PCNT: variants seen among roughly 807,000 people sequenced by gnomAD.
The protein encoded by PCNT is kendrin.
In PCNT, 319 loss-of-function variants were observed where a neutral mutation model predicts 380.4. The observed-to-expected ratio is 0.84, with a 90% confidence interval of 0.77 to 0.92. The LOEUF (loss-of-function observed/expected upper bound fraction) is 0.92, where lower values mean the gene tolerates loss of function less well. Among genes scored for constraint, PCNT ranks in the 40% least tolerant of loss-of-function variants. PCNT has a pLI of 0.00. For missense variants in PCNT, 4,400 were observed against 4,255.3 expected (o/e 1.03, Z -0.95); for synonymous variants, 1,845 against 1,735.2 (o/e 1.06, Z -1.57).
At position 46,429,137 on chromosome 21, in the gene PCNT, G is replaced by A. The variant is rs186664163; in HGVS notation, c.7690+547G>A. 5.5e-3 allele frequency among the ~76,000 whole-genome samples: 833 copies of A among 152,304 alleles called. 6 individuals carry two copies. The highest frequency in any genetic ancestry group is 0.019 in the African/African-American group (797 of 41,574). On this transcript the variant is annotated intron_variant, in intron 35 of 46. Transcript: ENST00000359568. ...CCCTCTGTTCCTAGTTTTGGATTCCGTCAAGGGGAACGGCCTTGCAGTTCA... is the reference window on the plus strand; with the variant it reads ...CCCTCTGTTCCTAGTTTTGGATTCCATCAAGGGGAACGGCCTTGCAGTTCA...
At position 46,412,963 on chromosome 21, in the gene PCNT, A is replaced by G. The variant is rs1358346023; in HGVS notation, c.6121A>G (p.Met2041Val). ...GGAGCTGCTCTTGGTGAAAAATGAA[A>G]TGCGCCTGAGTCTGGAGGACGGCGG... ...QSELLLVKNE[M>V]RLSLEDGGKG... Residue 2041 changes from methionine to valine, a missense_variant, in exon 29 of 47, where the codon ATG (methionine) becomes GTG (valine). Coordinates refer to ENST00000359568, the MANE Select transcript of PCNT (RefSeq NM_006031.6). 6 of 1,609,882 alleles carry G rather than the reference A, an allele frequency of 3.7e-6. 1 individual carries two copies. Among genetic ancestry groups the G allele is most frequent in the Middle Eastern group, 3.3e-4 (2 of 6,062 alleles).
intron 3 of PCNT, among the ~76,000 whole-genome samples, chr21:46,342,128 A>T (rs1224179797): frequency 6.6e-6 from 1 of 151,704 alleles, no homozygotes; most frequent in Non-Finnish European, 1.5e-5. Flanking sequence ...TTTAGTAGAG[A>T]TGGGGTTTTG....
intron 21 of PCNT, among the ~76,000 whole-genome samples, chr21:46,395,553 A>T (rs1396204881): frequency 2.8e-5 from 4 of 142,962 alleles, no homozygotes; most frequent in African/African-American, 5.1e-5. Context: ...GTAATAAAAT[A>T]GAGACTTCAG....
intron 11 of PCNT, among the ~76,000 whole-genome samples, chr21:46,355,152 A>G (rs753653918): frequency 3.9e-5 from 6 of 152,210 alleles, no homozygotes; most frequent in Non-Finnish European, 7.4e-5. Flanking sequence ...TGCTGCTGAG[A>G]GAATTGAGGA....
intron 3 of PCNT, among the ~76,000 whole-genome samples, chr21:46,345,129 T>G (rs540717995): frequency 8.5e-5 from 13 of 152,322 alleles, no homozygotes; most frequent in Middle Eastern, 3.4e-3. Flanking sequence ...ATTTCCGCCT[T>G]TTTCCTGAGA....
chr21:46,411,721 G>C lies in PCNT; in HGVS notation c.5648G>C (p.Arg1883Pro). The change falls in exon 28 of 47, where the codon CGG becomes CCG. Residue 1883 changes from arginine to proline, a missense_variant. Coordinates refer to ENST00000359568, the MANE Select transcript of PCNT (RefSeq NM_006031.6). ...RNLEIDALNQRKAAHSAELEA... is the reference protein window; with the variant it reads ...RNLEIDALNQPKAAHSAELEA... ...TTAGAAATCGACGCTCTGAACCAGC[G>C]GAAGGCGGCCCACTCTGCCGAGCTG... The C allele has an allele frequency of 6.2e-7, 1 of 1,612,344 alleles. No homozygotes were observed. Among genetic ancestry groups the C allele is most frequent in the South Asian group, 1.1e-5 (1 of 91,086 alleles).
Position 46,334,605 on chromosome 21 carries a change from T to A in PCNT, c.476T>A (p.Phe159Tyr). ...SDHPPEQHGM[F>Y]TVSDHPPEQR... ...CACCCACCAGAACAGCATGGGATGT[T>A]CACAGTCAGTGACCACCCACCAGAA... The change falls in exon 3 of 47, where the codon TTC (phenylalanine) becomes TAC (tyrosine). Residue 159 changes from phenylalanine to tyrosine, a missense_variant. Physicochemically the swap from Phe to Tyr is conservative, Grantham distance 22. Transcript: ENST00000359568. 2 of 1,605,892 alleles carry A rather than the reference T, an allele frequency of 1.2e-6. No individual in the cohort carries two copies. Among genetic ancestry groups the A allele is most frequent in the Non-Finnish European group, 1.7e-6 (2 of 1,173,914 alleles).
Position 46,366,999 on chromosome 21 carries a change from CA to C in PCNT, c.3028del (p.Thr1010ArgfsTer3). The C allele has an allele frequency of 1.9e-6, 3 of 1,614,192 alleles. No individual in the cohort carries two copies. The South Asian group carries it at 3.3e-5, about 18-fold the overall frequency. On this transcript the variant is annotated frameshift_variant, in exon 15 of 47. Coordinates refer to ENST00000359568, the MANE Select transcript of PCNT (RefSeq NM_006031.6). LOFTEE classifies it high-confidence loss of function. ...EQLWKKDSLH[Q>X]TILTQELEKL... is the part of the protein sequence containing the mutation. ...ACTGTGGAAAAAGGACTCTCTTCAC[CA>C]AACGATTTTGACTCAAGAGTTGGAG...
chr21:46,413,786 G>T (rs1487164396), intron 29 of PCNT, among the ~76,000 whole-genome samples: 1 of 152,174 alleles, frequency 6.6e-6, no homozygotes, highest in Non-Finnish European at 1.5e-5. Flanking sequence ...AAAAAAGCTG[G>T]CACTTCTTTT....
At chr21:46,401,506 A>C in intron 25 of PCNT, 45 bp from the exon 26 acceptor site, 1 of 1,519,278 alleles carries the variant, frequency 6.6e-7, no homozygotes, top group Non-Finnish European at 9.1e-7. Context: ...GAGGTACTGA[A>C]TTCCCAAATA....
At chr21:46,330,941 A>G (rs2146305731) in intron 2 of PCNT, among the ~76,000 whole-genome samples, 1 of 152,162 alleles carries the variant, frequency 6.6e-6, no homozygotes, top group Admixed American at 6.5e-5. Context: ...CATTTGTTTT[A>G]TTTTACCCAT....
At chr21:46,351,156 C>G (rs1444942868) in intron 8 of PCNT, among the ~76,000 whole-genome samples, 3 of 152,190 alleles carry the variant, frequency 2.0e-5, no homozygotes, top group Non-Finnish European at 4.4e-5. Context: ...CGGCATGGAA[C>G]CTGGCCGTGC....
rs79402251 is a variant in PCNT, at chr21:46,365,468, T to A, written c.2610-1116T>A. On this transcript the variant is annotated intron_variant, in intron 14 of 46. Coordinates refer to ENST00000359568, the MANE Select transcript of PCNT (RefSeq NM_006031.6). Reference sequence around the variant, plus strand: ...TTCTGTTCACTGCCGTGGGGTTCTGTTCACTGCCGTGGGGTTCTGATCACT... The same window carrying A: ...TTCTGTTCACTGCCGTGGGGTTCTGATCACTGCCGTGGGGTTCTGATCACT... 1.4e-4 allele frequency among the ~76,000 whole-genome samples: 20 copies of A among 140,038 alleles called. 1 individual carries two copies. Among genetic ancestry groups the A allele is most frequent in the Admixed American group, 3.5e-4 (5 of 14,174 alleles). The allele number at this position is 140,038 out of a possible 152,430, so 91.9% of individuals were successfully genotyped here.
Position 46,438,313 on chromosome 21 carries a change from T to A in PCNT, c.9249T>A (p.His3083Gln). Residue 3083 changes from histidine to glutamine, a missense_variant, in exon 41 of 47, where the codon CAT (histidine) becomes CAA (glutamine). Coordinates refer to ENST00000359568, the MANE Select transcript of PCNT (RefSeq NM_006031.6). ...AGCTTGAGAAGTTGCTGAAGCACCATCTGCAGAAGGGCTGCAGCCCAAGCG... is the reference window on the plus strand; with the variant it reads ...AGCTTGAGAAGTTGCTGAAGCACCAACTGCAGAAGGGCTGCAGCCCAAGCG... ...VSKLEKLLKHHLQKGCSPSRS... is the reference protein window; with the variant it reads ...VSKLEKLLKHQLQKGCSPSRS... 1 of 1,614,096 alleles carries A rather than the reference T, an allele frequency of 6.2e-7. No homozygotes were observed. The highest frequency in any genetic ancestry group is 8.5e-7 in the Non-Finnish European group (1 of 1,180,012).
At chr21:46,364,379 G>A (rs529818201) in intron 14 of PCNT, among the ~76,000 whole-genome samples, 2 of 152,332 alleles carry the variant, frequency 1.3e-5, no homozygotes, top group Admixed American at 1.3e-4. Context: ...GTGTTTGGAC[G>A]GGCAGGCTGG....
chr21:46,426,060 G>GTTTT, intron 33 of PCNT, 89 bp downstream of exon 33: 4 of 706,636 alleles, frequency 5.7e-6, no homozygotes, highest in Non-Finnish European at 8.8e-6. Context: ...TGGACACTAG[G>GTTTT]ATTTCTTTCT....
At chr21:46,333,104 C>T (rs924921299) in intron 2 of PCNT, among the ~76,000 whole-genome samples, 1 of 151,860 alleles carries the variant, frequency 6.6e-6, no homozygotes, top group African/African-American at 2.4e-5. Flanking sequence ...CAGAGCAAGA[C>T]CTTGTCTCAA....
chr21:46,359,895 T>G (rs2084642899), intron 13 of PCNT, among the ~76,000 whole-genome samples: 1 of 151,662 alleles, frequency 6.6e-6, no homozygotes, highest in South Asian at 2.1e-4. Context: ...GACAGGCTAT[T>G]GCCCAGGCTG....
At position 46,430,264 on chromosome 21, in the gene PCNT, C is replaced by T. The variant is rs57385578; in HGVS notation, c.7913+32C>T. The T allele has an allele frequency of 0.077, 122,181 of 1,580,410 alleles. 5,972 individuals are homozygous for T. The highest frequency in any genetic ancestry group is 0.2 in the East Asian group (8,915 of 44,572). ...CTGATCCCCCTTCCTGGGACACTGG[C>T]GGGAGTCCCCCCGTTGTGCCATGTT... On this transcript the variant is annotated intron_variant, in intron 36 of 46. Coordinates refer to ENST00000359568, the MANE Select transcript of PCNT (RefSeq NM_006031.6).
Sources: allele counts gnomAD v4.1 joint callset (sites outside exome capture counted in the v4.1 genomes callset), GRCh38; gene constraint gnomAD v4.1.1; transcripts MANE v1.5; gene names NCBI Gene and HGNC (gene_info 2026-07-23, HGNC 2026-07-21).